Variants in PTPRT observed in about 807,000 individuals in gnomAD.
The protein encoded by PTPRT is receptor-type tyrosine-protein phosphatase T.
In PTPRT, 56 loss-of-function variants were observed where a neutral mutation model predicts 176.8. That is an observed-to-expected ratio of 0.32 (90% CI 0.26 to 0.40). The LOEUF is 0.40. Among genes scored for constraint, PTPRT ranks in the 10% least tolerant of loss-of-function variants. The pLI is 1.00. For synonymous variants in PTPRT, 783 were observed against 739.0 expected, an observed-to-expected ratio of 1.06 and a Z score of -0.96; for missense variants, 1,540 against 1,908.2, an observed-to-expected ratio of 0.81 and a Z score of 3.60.
intron 14 of PTPRT, among the ~76,000 whole-genome samples, chr20:42,245,778 A>G (rs1319718268): frequency 6.6e-6 from 1 of 152,146 alleles, no homozygotes; most frequent in Non-Finnish European, 1.5e-5. Context: ...GGGACATCTT[A>G]TGTTTCTGGA....
At chr20:43,042,954 A>C (rs1200914648) in intron 1 of PTPRT, among the ~76,000 whole-genome samples, 1 of 152,096 alleles carries the variant, frequency 6.6e-6, no homozygotes, top group Non-Finnish European at 1.5e-5. Context: ...TAGAATCATC[A>C]ATTTTCAGTG....
intron 3 of PTPRT, among the ~76,000 whole-genome samples, chr20:42,785,967 C>T (rs529723228): frequency 1.7e-4 from 26 of 152,246 alleles, no homozygotes; most frequent in Admixed American, 1.2e-3. Context: ...GAGAGACGAA[C>T]GTGGTGGGAG....
At chr20:42,772,414 T>A (rs6103035) in intron 4 of PTPRT, among the ~76,000 whole-genome samples, 63,321 of 152,026 alleles carry the variant, frequency 0.42, 14,554 homozygotes, top group East Asian at 0.56. Flanking sequence ...TTCTAGGGAC[T>A]GGACATAACA....
chr20:43,129,357 C>T (rs2013564246), intron 1 of PTPRT, among the ~76,000 whole-genome samples: 1 of 152,200 alleles, frequency 6.6e-6, no homozygotes. Context: ...TGACAGGCCC[C>T]TCTCCCCACA....
At chr20:42,667,921 C>T (rs1035700316) in intron 7 of PTPRT, among the ~76,000 whole-genome samples, 2 of 151,992 alleles carry the variant, frequency 1.3e-5, no homozygotes, top group Non-Finnish European at 2.9e-5. Flanking sequence ...CTTATCTATC[C>T]GGAGGTCTCA....
chr20:42,219,637 C>A (rs1038457992), intron 15 of PTPRT, among the ~76,000 whole-genome samples: 4 of 152,218 alleles, frequency 2.6e-5, no homozygotes, highest in Non-Finnish European at 5.9e-5. Flanking sequence ...GTGCCAGGCA[C>A]TGGGCTCTGG....
At chr20:42,657,332 C>G (rs964665178) in intron 7 of PTPRT, among the ~76,000 whole-genome samples, 2 of 152,132 alleles carry the variant, frequency 1.3e-5, no homozygotes, top group Non-Finnish European at 2.9e-5. Flanking sequence ...CCCTTTGGAG[C>G]ACCTCTTACT....
intron 15 of PTPRT, among the ~76,000 whole-genome samples, chr20:42,211,275 C>T (rs1458808740): frequency 6.6e-6 from 1 of 151,530 alleles, no homozygotes; most frequent in Admixed American, 6.6e-5. Context: ...GCAATGGCAA[C>T]AAAAGACAAA....
At chr20:42,901,831 A>G (rs1406305676) in intron 1 of PTPRT, among the ~76,000 whole-genome samples, 2 of 152,196 alleles carry the variant, frequency 1.3e-5, no homozygotes, top group Non-Finnish European at 2.9e-5. Flanking sequence ...GCAAAGTATG[A>G]CCTATGAACT....
intron 13 of PTPRT, among the ~76,000 whole-genome samples, chr20:42,272,882 T>A (rs1037085222): frequency 1.3e-5 from 2 of 152,196 alleles, no homozygotes; most frequent in African/African-American, 4.8e-5. Flanking sequence ...CCTTCAGTGA[T>A]TTGCATACCT....
chr20:42,648,571 A>G (rs2074958868), intron 7 of PTPRT, among the ~76,000 whole-genome samples: 1 of 152,100 alleles, frequency 6.6e-6, no homozygotes, highest in Non-Finnish European at 1.5e-5. Flanking sequence ...ACAGCCCAAG[A>G]AGGCCGCTAC....
chr20:42,546,577 G>A (rs976889700), intron 7 of PTPRT, among the ~76,000 whole-genome samples: 1 of 152,180 alleles, frequency 6.6e-6, no homozygotes, highest in African/African-American at 2.4e-5. Context: ...TAACTGCTTT[G>A]TGTAAGAGGT....
intron 15 of PTPRT, among the ~76,000 whole-genome samples, chr20:42,217,376 T>TACACACACACAC (rs71335847): frequency 4.8e-5 from 5 of 104,374 alleles, no homozygotes; most frequent in South Asian, 7.4e-4. Flanking sequence ...CTCTCAAACA[T>TACACACACACAC]ACACACACAC....
intron 19 of PTPRT, 59 bp downstream of exon 19, chr20:42,128,695 C>T: frequency 6.9e-7 from 1 of 1,443,616 alleles, no homozygotes; most frequent in South Asian, 1.4e-5. Flanking sequence ...TTGGGGTAAA[C>T]CACAGATCTT....
chr20:42,161,629 G>A (rs1244807053), intron 16 of PTPRT, 87 bp from the exon 17 acceptor site: 12 of 1,421,080 alleles, frequency 8.4e-6, no homozygotes, highest in Non-Finnish European at 1.0e-5. Context: ...GGCCTGAGGA[G>A]GGCAGAGGGA....
At chr20:42,633,603 C>A (rs1422884953) in intron 7 of PTPRT, among the ~76,000 whole-genome samples, 1 of 150,172 alleles carries the variant, frequency 6.7e-6, no homozygotes, top group Non-Finnish European at 1.5e-5. Flanking sequence ...CGAGACAGTG[C>A]AAAACCTCAT....
intron 27 of PTPRT, among the ~76,000 whole-genome samples, chr20:42,093,820 G>A (rs558618073): frequency 3.9e-5 from 6 of 152,344 alleles, no homozygotes; most frequent in South Asian, 2.1e-4. Flanking sequence ...TGCTGAGGGC[G>A]GCTTTTCTGA....
chr20:42,327,600 G>A (rs6102777), intron 11 of PTPRT, among the ~76,000 whole-genome samples: 2,269 of 152,108 alleles, frequency 0.015, 53 homozygotes, highest in African/African-American at 0.052. Flanking sequence ...AGAGACAAGA[G>A]AAAGAGAGAG....
intron 7 of PTPRT, among the ~76,000 whole-genome samples, chr20:42,502,455 A>G (rs867329222): frequency 2.9e-4 from 44 of 150,592 alleles, no homozygotes; most frequent in African/African-American, 1.0e-3. Flanking sequence ...CACATCTCAA[A>G]TGAGATATTC....
Sources: gnomAD v4.1 joint callset for allele counts (sites outside exome capture counted in the v4.1 genomes callset) on GRCh38, gnomAD v4.1.1 for gene constraint, MANE v1.5 for transcripts, NCBI Gene and HGNC (gene_info 2026-07-23, HGNC 2026-07-21) for gene names.